XKR4: variants seen among roughly 807,000 people sequenced by gnomAD.
The protein encoded by XKR4 is XK related 4, also known as XK-related protein 4.
Under a neutral mutation model 53.9 loss-of-function variants are expected in XKR4, and 12 were observed. That is an observed-to-expected ratio of 0.22 (90% CI 0.14 to 0.36). The LOEUF is 0.36. Among genes scored for constraint, XKR4 ranks in the 10% least tolerant of loss-of-function variants. XKR4 has a pLI of 1.00. For missense variants in XKR4, 799 were observed against 859.5 expected (o/e 0.93, Z 0.88); for synonymous variants, 354 against 362.4 (o/e 0.98, Z 0.26).
intron 1 of XKR4, among the ~76,000 whole-genome samples, chr8:55,255,538 G>C (rs1818426307): frequency 6.6e-6 from 1 of 152,130 alleles, no homozygotes; most frequent in Non-Finnish European, 1.5e-5. Context: ...TCAGCACTTA[G>C]AGTGATGCTT....
intron 1 of XKR4, among the ~76,000 whole-genome samples, chr8:55,226,615 G>A (rs16921452): frequency 0.043 from 6,500 of 151,798 alleles, 462 homozygotes; most frequent in African/African-American, 0.15. Context: ...GAACTCCTGA[G>A]GTCCAACAAG....
chr8:55,140,516 G>T (rs1045437634), intron 1 of XKR4, among the ~76,000 whole-genome samples: 1 of 152,216 alleles, frequency 6.6e-6, no homozygotes, highest in East Asian at 1.9e-4. Context: ...CAGTTCCCCA[G>T]GCTCTTACCA....
At chr8:55,141,125 C>T (rs936794543) in intron 1 of XKR4, among the ~76,000 whole-genome samples, 4 of 152,234 alleles carry the variant, frequency 2.6e-5, no homozygotes, top group Middle Eastern at 3.4e-3. Context: ...TCCCCATTCC[C>T]CTCCCACCCA....
intron 2 of XKR4, among the ~76,000 whole-genome samples, chr8:55,458,618 AGTGGGATGGGGAG>A (rs1805605483): frequency 6.6e-6 from 1 of 152,184 alleles, no homozygotes; most frequent in Non-Finnish European, 1.5e-5. Context: ...AGTGGCTCTC[AGTGGGATGGGGAG>A]CTGGAAAGGG....
At chr8:55,228,429 C>G (rs1202529876) in intron 1 of XKR4, among the ~76,000 whole-genome samples, 1 of 152,174 alleles carries the variant, frequency 6.6e-6, no homozygotes, top group Non-Finnish European at 1.5e-5. Flanking sequence ...TAAGGAAAGT[C>G]AGATTTTAAC....
chr8:55,418,642 A>G (rs1804883284), intron 2 of XKR4, among the ~76,000 whole-genome samples: 1 of 152,134 alleles, frequency 6.6e-6, no homozygotes, highest in Non-Finnish European at 1.5e-5. Context: ...GAAAACACAA[A>G]GCCAGTTCAT....
At chr8:55,472,523 G>A (rs1805905784) in intron 2 of XKR4, among the ~76,000 whole-genome samples, 1 of 152,082 alleles carries the variant, frequency 6.6e-6, no homozygotes, top group Admixed American at 6.5e-5. Flanking sequence ...AGGTCTAAGG[G>A]CTGACCCCAG....
At chr8:55,456,837 A>G (rs2929038) in intron 2 of XKR4, among the ~76,000 whole-genome samples, 60,675 of 151,982 alleles carry the variant, frequency 0.4, 12,942 homozygotes, top group East Asian at 0.53. Flanking sequence ...AGTAAAAAAG[A>G]GAAGGGAAGG....
intron 1 of XKR4, among the ~76,000 whole-genome samples, chr8:55,332,743 T>A (rs1189651171): frequency 6.6e-6 from 1 of 152,090 alleles, no homozygotes; most frequent in East Asian, 1.9e-4. Flanking sequence ...GCTGTTTGTA[T>A]TTGTATACAC....
At chr8:55,169,685 C>T (rs1285178658) in intron 1 of XKR4, among the ~76,000 whole-genome samples, 2 of 152,222 alleles carry the variant, frequency 1.3e-5, no homozygotes, top group Non-Finnish European at 1.5e-5. Flanking sequence ...TCCCCACGTT[C>T]CATCTAACTG....
At chr8:55,270,073 G>C (rs924826852) in intron 1 of XKR4, among the ~76,000 whole-genome samples, 1 of 152,168 alleles carries the variant, frequency 6.6e-6, no homozygotes, top group African/African-American at 2.4e-5. Flanking sequence ...CTACGTCACA[G>C]GCCATTTAGG....
chr8:55,154,661 C>T (rs1816882078), intron 1 of XKR4, among the ~76,000 whole-genome samples: 1 of 152,158 alleles, frequency 6.6e-6, no homozygotes, highest in Non-Finnish European at 1.5e-5. Context: ...CTCTGAAAAG[C>T]TTTCCAGGGA....
intron 2 of XKR4, among the ~76,000 whole-genome samples, chr8:55,522,246 C>G (rs1460492887): frequency 6.6e-6 from 1 of 152,054 alleles, no homozygotes; most frequent in Non-Finnish European, 1.5e-5. Flanking sequence ...AGAGGGAATA[C>G]CAACCAAATG....
intron 1 of XKR4, among the ~76,000 whole-genome samples, chr8:55,165,039 A>G (rs949184910): frequency 1.3e-5 from 2 of 152,186 alleles, no homozygotes; most frequent in Admixed American, 1.3e-4. Context: ...GGCAGAAAGG[A>G]AGTAGAATGG....
chr8:55,478,953 A>T (rs1806053128), intron 2 of XKR4, among the ~76,000 whole-genome samples: 2 of 152,114 alleles, frequency 1.3e-5, no homozygotes, highest in Non-Finnish European at 2.9e-5. Flanking sequence ...TAATAATGGG[A>T]GACTTTAACA....
chr8:55,344,178 C>T (rs115172397), intron 1 of XKR4, among the ~76,000 whole-genome samples: 264 of 152,282 alleles, frequency 1.7e-3, no homozygotes, highest in African/African-American at 5.9e-3. Flanking sequence ...ATGGATGTGA[C>T]GGGTCAGGCA....
chr8:55,209,065 G>A (rs1817689208), intron 1 of XKR4, among the ~76,000 whole-genome samples: 1 of 152,102 alleles, frequency 6.6e-6, no homozygotes, highest in South Asian at 2.1e-4. Flanking sequence ...ATCTCCTGTG[G>A]CTCATAGGCA....
intron 2 of XKR4, chr8:55,451,187 T>G: frequency 1.8e-6 from 1 of 552,488 alleles, no homozygotes. Context: ...TGGCCTGGGG[T>G]GGGGCCATCG....
intron 2 of XKR4, 105 bp downstream of exon 2, chr8:55,357,982 G>GTCA: frequency 2.7e-6 from 3 of 1,106,344 alleles, no homozygotes; most frequent in Non-Finnish European, 3.9e-6. Context: ...ACAGGCCTGT[G>GTCA]ATGTGTCTGC....
Sources: gnomAD v4.1 joint callset for allele counts (sites outside exome capture counted in the v4.1 genomes callset) on GRCh38, gnomAD v4.1.1 for gene constraint, MANE v1.5 for transcripts, NCBI Gene and HGNC (gene_info 2026-07-23, HGNC 2026-07-21) for gene names.